TFDP2: variants seen among roughly 807,000 people sequenced by gnomAD.
The protein encoded by TFDP2 is transcription factor Dp-2, also known as transcription factor Dp-2 (E2F dimerization partner 2).
In TFDP2, 17 loss-of-function variants were observed where a neutral mutation model predicts 59.3. The observed-to-expected ratio is 0.29, with a 90% CI of 0.20 to 0.43. The LOEUF (loss-of-function observed/expected upper bound fraction) is 0.43, where lower values mean the gene tolerates loss of function less well. TFDP2 is among the 20% of genes least tolerant of loss of function. TFDP2 has a pLI of 1.00. For synonymous variants in TFDP2, 180 were observed against 194.7 expected (o/e 0.92, Z 0.63); for missense variants, 391 against 528.8 (o/e 0.74, Z 2.56).
chr3:142,023,973 G>C (rs946581705), intron 3 of TFDP2, among the ~76,000 whole-genome samples: 2 of 151,858 alleles, frequency 1.3e-5, no homozygotes, highest in African/African-American at 4.8e-5. Flanking sequence ...GTTAATTTTT[G>C]TATTTTTTGT....
chr3:142,069,648 C>G (rs1331577580), intron 3 of TFDP2, among the ~76,000 whole-genome samples: 2 of 151,744 alleles, frequency 1.3e-5, no homozygotes, highest in Non-Finnish European at 2.9e-5. Flanking sequence ...CTCTTGTTGC[C>G]CAGGCTGGAA....
intron 1 of TFDP2, among the ~76,000 whole-genome samples, chr3:142,135,815 T>C (rs1040621955): frequency 1.3e-5 from 2 of 152,106 alleles, no homozygotes; most frequent in African/African-American, 2.4e-5. Context: ...TGATGGACAT[T>C]TGGGTTGGTT....
intron 1 of TFDP2, among the ~76,000 whole-genome samples, chr3:142,112,997 A>C (rs2061713858): frequency 2.6e-5 from 4 of 152,226 alleles, no homozygotes; most frequent in Admixed American, 2.6e-4. Context: ...AGATGAGAGC[A>C]CACAAACTAA....
chr3:141,982,825 G>A (rs370654321), intron 6 of TFDP2, among the ~76,000 whole-genome samples: 2 of 152,286 alleles, frequency 1.3e-5, no homozygotes, highest in East Asian at 3.9e-4. Flanking sequence ...AATCAGTTCA[G>A]TGCATAAATT....
chr3:142,118,612 T>C (rs2061928275), intron 1 of TFDP2, among the ~76,000 whole-genome samples: 1 of 152,164 alleles, frequency 6.6e-6, no homozygotes, highest in Non-Finnish European at 1.5e-5. Flanking sequence ...ATTATTAAAT[T>C]ATTTTTTATT....
intron 9 of TFDP2, among the ~76,000 whole-genome samples, chr3:141,967,697 C>T (rs1938344773): frequency 6.6e-6 from 1 of 152,156 alleles, no homozygotes; most frequent in Non-Finnish European, 1.5e-5. Context: ...TGAATGTTGA[C>T]AGCCATGTTG....
At chr3:141,971,374 T>TAA (rs56219575) in intron 8 of TFDP2, among the ~76,000 whole-genome samples, 72 of 80,002 alleles carry the variant, frequency 9.0e-4, no homozygotes, top group South Asian at 4.5e-3. Flanking sequence ...TCGTCTCTAC[T>TAA]AAAAAAAAAA....
intron 3 of TFDP2, among the ~76,000 whole-genome samples, chr3:142,074,319 G>C (rs2060364098): frequency 6.6e-6 from 1 of 152,018 alleles, no homozygotes; most frequent in Non-Finnish European, 1.5e-5. Flanking sequence ...TGAGGCAGGA[G>C]AATCACTTGA....
At chr3:142,099,355 T>G (rs1262884841) in intron 2 of TFDP2, among the ~76,000 whole-genome samples, 1 of 152,192 alleles carries the variant, frequency 6.6e-6, no homozygotes, top group East Asian at 1.9e-4. Context: ...TTGCTATCCA[T>G]GCACTCACTA....
chr3:142,045,932 AC>A (rs915583512), intron 3 of TFDP2, among the ~76,000 whole-genome samples: 1 of 151,968 alleles, frequency 6.6e-6, no homozygotes, highest in Non-Finnish European at 1.5e-5. Flanking sequence ...CTGACTTTAA[AC>A]TTTATCCACA....
rs373350318 is a variant in TFDP2, at chr3:141,993,554, A to C, written c.340T>G (p.Ser114Ala). 94 of 1,582,718 alleles carry C rather than the reference A, an allele frequency of 5.9e-5. No individual in the cohort carries two copies. The African/African-American group carries it at 1.2e-3, about 20-fold the overall frequency. Reference protein sequence around the residue: ...DRKRARKFIDSDFSESKRSKK... With the variant: ...DRKRARKFIDADFSESKRSKK... The stretch of plus-strand genomic sequence containing the variant: ...TATACTCACCTTTCTGAAAAATCAG[A>C]GTCTATAAATTTTCTAGCCCGTTTT... The change falls in exon 6 of 13, where the codon TCT becomes GCT. Residue 114 changes from serine (S) to alanine (A), a missense_variant. Physicochemically the swap from Ser to Ala is moderately conservative, Grantham distance 99. Transcript: ENST00000489671.
rs190592799 is a variant in TFDP2, at chr3:142,084,968, C to T, written c.82+8093G>A. On this transcript the variant is annotated intron_variant, in intron 3 of 12. Transcript: ENST00000489671. Reference sequence around the variant, plus strand: ...CAGAGACTCGCTCTGTCGCCCAGGCCGGAGTGCAGTGGTGTGATCTCAGCT... The same window carrying T: ...CAGAGACTCGCTCTGTCGCCCAGGCTGGAGTGCAGTGGTGTGATCTCAGCT... Among the ~76,000 whole-genome samples the T allele has an allele frequency of 3.7e-3, 559 of 151,924 alleles. 3 individuals are homozygous for T. Among genetic ancestry groups the T allele is most frequent in the African/African-American group, 0.013 (530 of 41,422 alleles).
chr3:141,978,774 T>G, intron 6 of TFDP2, 92 bp from the exon 7 acceptor site: 1 of 952,750 alleles, frequency 1.0e-6, no homozygotes, highest in Non-Finnish European at 1.4e-6. Context: ...GACAGTAATT[T>G]AAGTTTTACT....
chr3:142,036,358 T>C (rs959954731), intron 3 of TFDP2, among the ~76,000 whole-genome samples: 25 of 152,216 alleles, frequency 1.6e-4, no homozygotes, highest in Admixed American at 9.2e-4. Context: ...CCAAAACCCA[T>C]AGAAAATGTC....
chr3:142,052,111 T>C (rs988431402), intron 3 of TFDP2, among the ~76,000 whole-genome samples: 20 of 152,066 alleles, frequency 1.3e-4, no homozygotes, highest in African/African-American at 4.6e-4. Flanking sequence ...AGCAAGACTG[T>C]CTTGGAAAAA....
intron 1 of TFDP2, among the ~76,000 whole-genome samples, chr3:142,120,788 C>G (rs2062021036): frequency 6.6e-6 from 1 of 152,160 alleles, no homozygotes; most frequent in Non-Finnish European, 1.5e-5. Flanking sequence ...TCTGATGCCT[C>G]ACCCAAGCAG....
chr3:141,986,116 A>C (rs2108118878), intron 6 of TFDP2, among the ~76,000 whole-genome samples: 1 of 152,336 alleles, frequency 6.6e-6, no homozygotes. Flanking sequence ...AGCTTAGTCT[A>C]TAAAAGATGG....
intron 3 of TFDP2, among the ~76,000 whole-genome samples, chr3:142,007,463 A>C (rs1211063362): frequency 2.6e-5 from 4 of 152,306 alleles, no homozygotes; most frequent in Admixed American, 2.6e-4. Flanking sequence ...CCTTTATGCT[A>C]GTGGTCCCCA....
intron 6 of TFDP2, among the ~76,000 whole-genome samples, chr3:141,981,904 G>T (rs2108085330): frequency 6.6e-6 from 1 of 152,292 alleles, no homozygotes; most frequent in Non-Finnish European, 1.5e-5. Context: ...CAATAAAATT[G>T]TCTGAAGTGG....
Sources: gnomAD v4.1 joint callset for allele counts (sites outside exome capture counted in the v4.1 genomes callset) on GRCh38, gnomAD v4.1.1 for gene constraint, MANE v1.5 for transcripts, NCBI Gene and HGNC (gene_info 2026-07-23, HGNC 2026-07-21) for gene names.